The following SOX6 variants were observed in gnomAD, a reference collection of about 807,000 sequenced individuals.
SOX6 encodes the protein transcription factor SOX-6.
Under a neutral mutation model 97.8 loss-of-function variants are expected in SOX6, and 11 were observed. The observed-to-expected ratio is 0.11, with a 90% CI of 0.07 to 0.19. The LOEUF (loss-of-function observed/expected upper bound fraction) is 0.19. SOX6 is among the 10% of genes least tolerant of loss of function. The pLI, the probability that SOX6 is intolerant of heterozygous loss-of-function variation, is 1.00. For missense variants in SOX6, 810 were observed against 1,039.5 expected (o/e 0.78, Z 3.04); for synonymous variants, 360 against 371.4 (o/e 0.97, Z 0.35).
chr11:16,318,492 T>C lies in SOX6; in HGVS notation c.399A>G (p.Thr133=). 1.9e-6 allele frequency: 3 copies of C among 1,613,452 alleles called. No homozygotes were observed. Among genetic ancestry groups the C allele is most frequent in the African/African-American group, 1.3e-5 (1 of 74,850 alleles). ...TTTCCTCAAGCTTCTTCTGTTTCAGTGTGTCCACCACATCGGCAAGACTCC... is the reference window on the plus strand; with the variant it reads ...TTTCCTCAAGCTTCTTCTGTTTCAGCGTGTCCACCACATCGGCAAGACTCC... ...RKGSLADVVD[T]LKQKKLEEMT... is the part of the protein sequence containing the mutation. Residue 133 remains threonine, a synonymous_variant, in exon 3 of 16, where the codon ACA becomes ACG. Transcript: ENST00000683767.
Position 16,692,082 on chromosome 11 carries a change from TGTGTGTGCGCGC to T in SOX6, n.429+22736_429+22747del, listed in dbSNP as rs776439982. On this transcript the variant is annotated intron_variant and non_coding_transcript_variant, in intron 3 of 5. Coordinates refer to the SOX6 transcript ENST00000524520. Reference sequence around the variant, plus strand: ...GTGTGTGTGTGTGTGTGTGTGTGTGTGTGTGTGCGCGCGCGCGCTTTCTGAGTCTTGCTCTGT... The same window carrying T: ...GTGTGTGTGTGTGTGTGTGTGTGTGTGCGCGCTTTCTGAGTCTTGCTCTGT... Among the ~76,000 whole-genome samples the T allele has an allele frequency of 8.6e-5, 11 of 127,840 alleles. No homozygotes were observed. The East Asian group carries it at 2.2e-3, about 25-fold the overall frequency. 83.9% of individuals were successfully genotyped at this position (127,840 alleles called of 152,430 possible). A position where few individuals can be genotyped will look rare whatever the true frequency, so the allele number is the denominator to read the frequency against.
At chr11:16,235,163 T>C (rs1852978183) in intron 3 of SOX6, among the ~76,000 whole-genome samples, 1 of 151,962 alleles carries the variant, frequency 6.6e-6, no homozygotes, top group Non-Finnish European at 1.5e-5. Flanking sequence ...TTATAAAATA[T>C]CCAATTAAAG....
intron 12 of SOX6, among the ~76,000 whole-genome samples, chr11:16,042,613 T>C (rs1386980196): frequency 6.6e-6 from 1 of 152,180 alleles, no homozygotes; most frequent in Non-Finnish European, 1.5e-5. Context: ...AAATACACTA[T>C]GACTGTGGGT....
intron 1 of SOX6, among the ~76,000 whole-genome samples, chr11:16,454,710 GGAAA>G (rs1208086218): frequency 2.6e-5 from 4 of 152,014 alleles, no homozygotes; most frequent in Admixed American, 2.6e-4. Flanking sequence ...AAACAGAAGT[GGAAA>G]GAAATTGAGC....
At chr11:16,444,390 C>A (rs1428216381) in intron 1 of SOX6, among the ~76,000 whole-genome samples, 6 of 152,114 alleles carry the variant, frequency 3.9e-5, no homozygotes, top group Non-Finnish European at 7.4e-5. Context: ...TTCGCTGTGG[C>A]AGTAAGGCAA....
intron 13 of SOX6, among the ~76,000 whole-genome samples, chr11:16,005,626 A>G (rs1415248495): frequency 6.6e-6 from 1 of 152,030 alleles, no homozygotes; most frequent in Admixed American, 6.6e-5. Flanking sequence ...GTGTAGGATC[A>G]ACCTTCCCAC....
chr11:16,237,131 G>A (rs1250965720), intron 3 of SOX6, among the ~76,000 whole-genome samples: 1 of 151,992 alleles, frequency 6.6e-6, no homozygotes, highest in Non-Finnish European at 1.5e-5. Flanking sequence ...AGGACTAGGA[G>A]ATTCCAGGAA....
At position 16,371,398 on chromosome 11, in the gene SOX6, C is replaced by A. The variant is rs569617319; in HGVS notation, c.-4-30146G>T. On this transcript the variant is annotated intron_variant, in intron 1 of 15. Transcript: ENST00000396356. ...TACCTCCACCCTGGGTGCTCCCTAT[C>A]CCCCTTTTTTGTTTTATTTTCTCCA... is the stretch of plus-strand genomic sequence containing the variant. Among the ~76,000 whole-genome samples the A allele has an allele frequency of 2.6e-5, 4 of 152,124 alleles. No homozygotes were observed. The East Asian group carries it at 5.8e-4, about 22-fold the overall frequency.
At chr11:16,595,789 A>G (rs941397327) in intron 4 of SOX6, among the ~76,000 whole-genome samples, 3 of 152,062 alleles carry the variant, frequency 2.0e-5, no homozygotes, top group Admixed American at 6.5e-5. Context: ...ACAAACAAAC[A>G]AAAAGATTAA....
chr11:16,525,960 C>G (rs956960235), intron 4 of SOX6, among the ~76,000 whole-genome samples: 1 of 152,104 alleles, frequency 6.6e-6, no homozygotes, highest in African/African-American at 2.4e-5. Flanking sequence ...GTTAGAGTGG[C>G]GATCATTAAA....
chr11:16,039,907 G>A (rs1367287824), intron 12 of SOX6, among the ~76,000 whole-genome samples: 2 of 151,860 alleles, frequency 1.3e-5, no homozygotes, highest in Admixed American at 1.3e-4. Context: ...CAAAAAAGTT[G>A]AGAACAGCTG....
At chr11:16,153,452 G>A (rs1483315776) in intron 6 of SOX6, among the ~76,000 whole-genome samples, 2 of 152,124 alleles carry the variant, frequency 1.3e-5, no homozygotes, top group African/African-American at 4.8e-5. Context: ...GTTTTACTAA[G>A]CCTATCAAAA....
chr11:16,125,196 T>C (rs1349895611), intron 6 of SOX6, among the ~76,000 whole-genome samples: 2 of 152,032 alleles, frequency 1.3e-5, no homozygotes, highest in Non-Finnish European at 2.9e-5. Context: ...TAGGATATTA[T>C]AATCTATTTG....
chr11:16,569,609 A>C (rs987035683), intron 4 of SOX6, among the ~76,000 whole-genome samples: 1 of 152,150 alleles, frequency 6.6e-6, no homozygotes, highest in Non-Finnish European at 1.5e-5. Context: ...GGATATAGCA[A>C]TGTACCACCT....
At chr11:16,208,710 T>C (rs1166380843) in intron 4 of SOX6, among the ~76,000 whole-genome samples, 2 of 152,328 alleles carry the variant, frequency 1.3e-5, no homozygotes, top group Non-Finnish European at 2.9e-5. Context: ...GGATGTGATG[T>C]TTTTACATTG....
At chr11:16,230,496 T>G (rs1027806545) in intron 4 of SOX6, among the ~76,000 whole-genome samples, 9 of 151,672 alleles carry the variant, frequency 5.9e-5, no homozygotes, top group Admixed American at 4.6e-4. Context: ...AATATCTCAT[T>G]CACAAGAGTA....
At chr11:16,208,814 A>G (rs1260162234) in intron 4 of SOX6, among the ~76,000 whole-genome samples, 3 of 152,212 alleles carry the variant, frequency 2.0e-5, no homozygotes, top group Non-Finnish European at 4.4e-5. Flanking sequence ...AAAGCATGCA[A>G]TGGTAAAAGA....
At chr11:16,303,513 C>G (rs959123841) in intron 3 of SOX6, among the ~76,000 whole-genome samples, 2 of 152,166 alleles carry the variant, frequency 1.3e-5, no homozygotes, top group African/African-American at 2.4e-5. Context: ...GCCTTGATTA[C>G]TACAGCTGTA....
chr11:16,328,585 C>T (rs1053795964), intron 2 of SOX6, among the ~76,000 whole-genome samples: 1 of 152,128 alleles, frequency 6.6e-6, no homozygotes, highest in Admixed American at 6.6e-5. Context: ...ATATATACAA[C>T]TATGTTTGAC....
Sources: gnomAD v4.1 joint callset for allele counts (sites outside exome capture counted in the v4.1 genomes callset) on GRCh38, gnomAD v4.1.1 for gene constraint, MANE v1.5 for transcripts, NCBI Gene and HGNC (gene_info 2026-07-23, HGNC 2026-07-21) for gene names.